The following CHRDL1 variants were observed in gnomAD, a reference collection of about 807,000 sequenced individuals.
CHRDL1 encodes the protein chordin like 1.
CHRDL1 carries 19 observed loss-of-function variants against 40.9 expected under a neutral mutation model. That is an observed-to-expected ratio of 0.46 (90% CI 0.32 to 0.68). The LOEUF is 0.68. Ranked by LOEUF, CHRDL1 falls within the 30% of genes least tolerant of loss-of-function variation. CHRDL1 has a pLI of 0.03. For missense variants in CHRDL1, 329 were observed against 352.1 expected, an observed-to-expected ratio of 0.93 and a Z score of 0.53; for synonymous variants, 136 against 123.4, an observed-to-expected ratio of 1.10 and a Z score of -0.68.
At chrX:110,715,578 G>A (rs771137008) in intron 6 of CHRDL1, among the ~76,000 whole-genome samples, 1 of 111,725 alleles carries the variant, frequency 9.0e-6, no homozygotes, top group Non-Finnish European at 1.9e-5. Flanking sequence ...AACAGCACTC[G>A]TAGGTGGTAG....
chrX:110,747,409 A>AACACACACAC (rs113917102), intron 4 of CHRDL1, among the ~76,000 whole-genome samples: 939 of 91,196 alleles, frequency 0.01, 14 homozygotes, highest in African/African-American at 0.037. Flanking sequence ...ATCAAAACAA[A>AACACACACAC]ACACACACAC....
chrX:110,681,119 C>T (rs979685568), intron 10 of CHRDL1, among the ~76,000 whole-genome samples: 3 of 111,115 alleles, frequency 2.7e-5, no homozygotes, highest in Non-Finnish European at 5.7e-5. Context: ...GCCCATGCCC[C>T]ACTCCAGACC....
At chrX:110,785,670 T>C (rs1375629407) in intron 2 of CHRDL1, among the ~76,000 whole-genome samples, 1 of 111,842 alleles carries the variant, frequency 8.9e-6, no homozygotes, top group Non-Finnish European at 1.9e-5. Flanking sequence ...ACTACAAGTA[T>C]ATATATATAT....
intron 9 of CHRDL1, among the ~76,000 whole-genome samples, chrX:110,685,318 G>A (rs1262042663): frequency 9.0e-6 from 1 of 111,097 alleles, no homozygotes; most frequent in East Asian, 2.8e-4. Context: ...GTGCAATGGC[G>A]CGATCTTGGC....
At chrX:110,704,837 A>C (rs1238160331) in intron 6 of CHRDL1, among the ~76,000 whole-genome samples, 1 of 111,547 alleles carries the variant, frequency 9.0e-6, no homozygotes, top group East Asian at 2.8e-4. Context: ...ATGTGGTTTC[A>C]AGCCTAATTT....
intron 7 of CHRDL1, among the ~76,000 whole-genome samples, chrX:110,698,328 TC>T (rs2070443680): frequency 9.0e-6 from 1 of 110,930 alleles, no homozygotes; most frequent in African/African-American, 3.3e-5. Flanking sequence ...AGGAACCCCC[TC>T]CCCACTCCAC....
intron 2 of CHRDL1, among the ~76,000 whole-genome samples, chrX:110,764,083 C>T (rs1042975584): frequency 1.9e-4 from 21 of 111,545 alleles, no homozygotes; most frequent in African/African-American, 6.5e-4. Context: ...CCTTGGCCCA[C>T]TTTTTGATAG....
At chrX:110,698,088 G>A (rs980314620) in intron 7 of CHRDL1, among the ~76,000 whole-genome samples, 4 of 111,430 alleles carry the variant, frequency 3.6e-5, no homozygotes, top group South Asian at 3.8e-4. Context: ...GTTGAACAGA[G>A]GTTTTGCTGG....
In CHRDL1 at chrX:110,719,892, T is replaced by A; in HGVS notation, c.484A>T (p.Lys162Ter). 1 of 1,205,137 alleles carries A rather than the reference T, an allele frequency of 8.3e-7. No individual in the cohort carries two copies. The highest frequency in any genetic ancestry group is 1.1e-6 in the Non-Finnish European group (1 of 890,293). ...GAGACTGGGAAGGCACAGGTTAATT[T>A]GGGGCAAGTCTTGAGACCACAATAC... is the stretch of plus-strand genomic sequence containing the variant. ...NVYCGLKTCP[K>*]LTCAFPVSVP... Residue 162 changes from lysine (K) to a stop codon, truncating the protein, a stop_gained, in exon 6 of 12, where the codon AAA (lysine) becomes TAA (stop). Transcript: ENST00000372042. LOFTEE classifies it high-confidence loss of function.
chrX:110,777,679 T>C (rs2089874020), intron 2 of CHRDL1, among the ~76,000 whole-genome samples: 1 of 111,880 alleles, frequency 8.9e-6, no homozygotes, highest in Non-Finnish European at 1.9e-5. Flanking sequence ...CTAAGGTCTT[T>C]GGTCCATTTT....
At chrX:110,696,586 A>G (rs1247160677) in intron 7 of CHRDL1, among the ~76,000 whole-genome samples, 1 of 111,532 alleles carries the variant, frequency 9.0e-6, no homozygotes, top group Non-Finnish European at 1.9e-5. Context: ...TCAGTGGTCT[A>G]TAACCATTTG....
intron 9 of CHRDL1, among the ~76,000 whole-genome samples, chrX:110,684,225 CT>C (rs1476700729): frequency 8.9e-6 from 1 of 112,232 alleles, no homozygotes; most frequent in East Asian, 2.8e-4. Context: ...AATATTGGTC[CT>C]AGTTTGTTAT....
intron 2 of CHRDL1, among the ~76,000 whole-genome samples, chrX:110,765,186 T>C (rs759388247): frequency 2.4e-4 from 27 of 111,319 alleles, no homozygotes; most frequent in African/African-American, 8.2e-4. Context: ...CCTCCCCTTT[T>C]GAAATCCTTA....
intron 3 of CHRDL1, among the ~76,000 whole-genome samples, chrX:110,761,038 A>G (rs1353716047): frequency 8.9e-6 from 1 of 112,073 alleles, no homozygotes; most frequent in African/African-American, 3.2e-5. Flanking sequence ...TAAGGACAAC[A>G]ATGATGACAA....
chrX:110,710,515 C>T, intron 6 of CHRDL1, among the ~76,000 whole-genome samples: 1 of 112,419 alleles, frequency 8.9e-6, no homozygotes, highest in East Asian at 2.8e-4. Flanking sequence ...GATTAGGAAT[C>T]AGTGCTATTA....
intron 2 of CHRDL1, among the ~76,000 whole-genome samples, chrX:110,777,112 G>T (rs918984973): frequency 9.0e-6 from 1 of 111,245 alleles, no homozygotes; most frequent in Non-Finnish European, 1.9e-5. Context: ...AGCCTTTTCA[G>T]ATTGGCTTCT....
chrX:110,767,351 C>T (rs1410597784), intron 2 of CHRDL1, among the ~76,000 whole-genome samples: 1 of 110,650 alleles, frequency 9.0e-6, no homozygotes, highest in African/African-American at 3.3e-5. Flanking sequence ...AGCAATCAGA[C>T]AAGAGAAAGA....
chrX:110,720,072 C>T, intron 5 of CHRDL1, 144 bp from the exon 6 acceptor site: 2 of 386,906 alleles, frequency 5.2e-6, no homozygotes, highest in Non-Finnish European at 9.0e-6. Context: ...GTACTTCCTA[C>T]ATTTTATTAC....
chrX:110,778,560 T>C (rs1248565501), intron 2 of CHRDL1, among the ~76,000 whole-genome samples: 1 of 111,810 alleles, frequency 8.9e-6, no homozygotes, highest in Non-Finnish European at 1.9e-5. Context: ...AGATATCATC[T>C]CACACCCATC....
Sources: allele counts gnomAD v4.1 joint callset (sites outside exome capture counted in the v4.1 genomes callset), GRCh38; gene constraint gnomAD v4.1.1; transcripts MANE v1.5; gene names NCBI Gene and HGNC (gene_info 2026-07-23, HGNC 2026-07-21).